CCDC171: variants seen among roughly 807,000 people sequenced by gnomAD.
CCDC171 encodes the protein coiled-coil domain containing 171.
In CCDC171, 177 loss-of-function variants were observed where a neutral mutation model predicts 168.2. The observed-to-expected ratio is 1.05, with a 90% CI of 0.93 to 1.19. The LOEUF (loss-of-function observed/expected upper bound fraction) is 1.19. Among genes scored for constraint, CCDC171 ranks in the 50% most tolerant of loss-of-function variants. CCDC171 has a pLI of 0.00. For synonymous variants in CCDC171, 687 were observed against 540.8 expected (o/e 1.27, Z -3.75); for missense variants, 1,991 against 1,539.0 (o/e 1.29, Z -4.91).
rs62573071 is a variant in CCDC171, at chr9:15,618,284, G to A, written c.676-4983G>A. ...CACTTTGCTTTGCTGTGGTGACTGTGCCCAGTCCAAACCTCCCAGTCTCCT... is the reference window on the plus strand; with the variant it reads ...CACTTTGCTTTGCTGTGGTGACTGTACCCAGTCCAAACCTCCCAGTCTCCT... On this transcript the variant is annotated intron_variant, in intron 6 of 25. Coordinates refer to ENST00000380701, the MANE Select transcript of CCDC171 (RefSeq NM_173550.4). Among the ~76,000 whole-genome samples the A allele has an allele frequency of 2.7e-3, 404 of 152,256 alleles. 2 individuals are homozygous for A. Among genetic ancestry groups the A allele is most frequent in the Middle Eastern group, 0.02 (6 of 294 alleles).
intron 25 of CCDC171, among the ~76,000 whole-genome samples, chr9:15,950,651 A>C (rs1441039091): frequency 5.3e-5 from 8 of 152,104 alleles, no homozygotes; most frequent in Non-Finnish European, 7.4e-5. Flanking sequence ...AACAACCGAT[A>C]CCAGCCGCTG....
At chr9:15,683,344 A>T (rs937418594) in intron 10 of CCDC171, among the ~76,000 whole-genome samples, 1 of 151,934 alleles carries the variant, frequency 6.6e-6, no homozygotes, top group African/African-American at 2.4e-5. Flanking sequence ...GGTGAAGGTA[A>T]TATTTCTTGA....
At chr9:15,877,656 T>A (rs550604848) in intron 24 of CCDC171, among the ~76,000 whole-genome samples, 63 of 152,234 alleles carry the variant, frequency 4.1e-4, no homozygotes, top group Non-Finnish European at 8.1e-4. Context: ...CAAATAGGCT[T>A]TCATTATAAT....
chr9:15,578,954 G>A lies in CCDC171; in HGVS notation c.283G>A (p.Ala95Thr). The A allele has an allele frequency of 2.5e-6, 4 of 1,614,110 alleles. No homozygotes were observed. The highest frequency in any genetic ancestry group is 3.4e-6 in the Non-Finnish European group (4 of 1,179,970). Reference protein sequence around the residue: ...EYDLAVARKEAGLGRRAAEER... With the variant: ...EYDLAVARKETGLGRRAAEER... ...TGACCTAGCTGTTGCTAGAAAGGAA[G>A]CTGGTCTTGGAAGACGGGCTGCTGA... The change falls in exon 4 of 26, where the codon GCT becomes ACT. Residue 95 changes from alanine (A) to threonine (T), a missense_variant. Physicochemically the swap from Ala to Thr is moderately conservative, Grantham distance 58. Coordinates refer to ENST00000380701, the MANE Select transcript of CCDC171 (RefSeq NM_173550.4).
At chr9:15,593,933 G>C (rs2042162530) in intron 5 of CCDC171, 108 bp from the exon 6 acceptor site, 1 of 699,148 alleles carries the variant, frequency 1.4e-6, no homozygotes, top group African/African-American at 1.9e-5. Flanking sequence ...ATTATGATGA[G>C]TTTTAACATC....
chr9:15,573,610 G>C (rs1050891967), intron 3 of CCDC171, among the ~76,000 whole-genome samples: 1 of 147,068 alleles, frequency 6.8e-6, no homozygotes, highest in Non-Finnish European at 1.5e-5. Flanking sequence ...AGTGATAATT[G>C]AAGTAATTGC....
the CCDC171 span, among the ~76,000 whole-genome samples, chr9:16,073,721 G>A: frequency 6.6e-6 from 1 of 152,162 alleles, no homozygotes; most frequent in Non-Finnish European, 1.5e-5. Context: ...TTTGAGAGAG[G>A]CCCCATGTCA....
At chr9:15,931,456 CTTTTTTTTTTT>C (rs57124025) in intron 25 of CCDC171, among the ~76,000 whole-genome samples, 22 of 44,998 alleles carry the variant, frequency 4.9e-4, no homozygotes, top group African/African-American at 1.5e-3. Context: ...TTCTTTCTTT[CTTTTTTTTTTT>C]TTTTTTTTTT....
intron 21 of CCDC171, among the ~76,000 whole-genome samples, chr9:15,822,308 G>C (rs2059811057): frequency 6.6e-6 from 1 of 151,782 alleles, no homozygotes; most frequent in African/African-American, 2.4e-5. Flanking sequence ...GAAGGCAATG[G>C]CAAGAAAAGC....
chr9:15,831,940 G>A (rs987678853), intron 21 of CCDC171, among the ~76,000 whole-genome samples: 1 of 152,050 alleles, frequency 6.6e-6, no homozygotes, highest in Non-Finnish European at 1.5e-5. Flanking sequence ...ATAGTTAGAG[G>A]GTGTTTGAGT....
At chr9:15,951,681 A>G (rs1829197699) in intron 25 of CCDC171, among the ~76,000 whole-genome samples, 2 of 152,006 alleles carry the variant, frequency 1.3e-5, no homozygotes, top group Admixed American at 6.6e-5. Context: ...GAGAATGTTG[A>G]TTTAAGTCCT....
intron 21 of CCDC171, among the ~76,000 whole-genome samples, chr9:15,795,146 A>G (rs182275218): frequency 6.6e-6 from 1 of 152,220 alleles, no homozygotes; most frequent in East Asian, 1.9e-4. Context: ...GACCTTCTTT[A>G]TGTGTCATCC....
Position 15,727,933 on chromosome 9 carries a change from A to C in CCDC171, c.1757A>C (p.Gln586Pro). The C allele has an allele frequency of 6.2e-7, 1 of 1,613,542 alleles. No individual in the cohort carries two copies. The highest frequency in any genetic ancestry group is 2.2e-5 in the East Asian group (1 of 44,864). Residue 586 changes from glutamine (Q) to proline (P), a missense_variant, in exon 15 of 26, where the codon CAA becomes CCA. By Grantham distance (76) the Gln-to-Pro change is moderately conservative. Transcript: ENST00000380701. ...HLVAGCVLIK[Q>P]PEGMLDKFSW... ...GTAGCAGGCTGTGTGCTCATAAAAC[A>C]ACCAGAAGGCATGCTGGATAAATTC...
the CCDC171 span, among the ~76,000 whole-genome samples, chr9:16,096,204 G>C: frequency 6.6e-6 from 1 of 152,070 alleles, no homozygotes; most frequent in Non-Finnish European, 1.5e-5. Context: ...CCTCTGTATG[G>C]CAAGAAGATC....
the CCDC171 span, among the ~76,000 whole-genome samples, chr9:16,090,733 GC>G: frequency 6.6e-6 from 1 of 152,126 alleles, no homozygotes; most frequent in African/African-American, 2.4e-5. Context: ...CCTTTATGAA[GC>G]CTAACATGAG....
rs754157197 is a variant in CCDC171, at chr9:15,727,851, CT to C, written c.1693-8del. The C allele has an allele frequency of 4.5e-3, 5,890 of 1,311,330 alleles. No individual in the cohort carries two copies. The highest frequency in any genetic ancestry group is 0.011 in the South Asian group (772 of 68,606). 81.2% of individuals were successfully genotyped at this position (1,311,330 alleles called of 1,614,324 possible). A position where few individuals can be genotyped will look rare whatever the true frequency, so the allele number is the denominator to read the frequency against. ...TGTTTATATACAGCAATTAATTTTTCTTTTTTTTTTCCTGCAGGAGAAGCTA... is the reference window on the plus strand; with the variant it reads ...TGTTTATATACAGCAATTAATTTTTCTTTTTTTTTCCTGCAGGAGAAGCTA... On this transcript the variant is annotated splice_polypyrimidine_tract_variant and intron_variant, in intron 14 of 25. Coordinates refer to ENST00000380701, the MANE Select transcript of CCDC171 (RefSeq NM_173550.4).
intron 11 of CCDC171, among the ~76,000 whole-genome samples, chr9:15,699,133 G>A (rs10733296): frequency 0.95 from 143,956 of 152,126 alleles, 68,154 homozygotes; most frequent in East Asian, 1. Context: ...GTTCCTTCTG[G>A]TGTTCAGATG....
At chr9:15,649,015 A>C (rs552024758) in intron 7 of CCDC171, among the ~76,000 whole-genome samples, 2 of 152,330 alleles carry the variant, frequency 1.3e-5, no homozygotes, top group African/African-American at 2.4e-5. Flanking sequence ...AGGCTACAGT[A>C]ACCAAAACAG....
In CCDC171 at chr9:15,691,520, TA is replaced by T. The variant is rs2050775289; in HGVS notation, c.1216-3710del. ...ATAGAATATTTAAATATTTAATGATTAAAAATACCTGTAAATATATGTTTTT... is the reference window on the plus strand; with the variant it reads ...ATAGAATATTTAAATATTTAATGATTAAAATACCTGTAAATATATGTTTTT... On this transcript the variant is annotated intron_variant, in intron 10 of 25. Coordinates refer to ENST00000380701, the MANE Select transcript of CCDC171 (RefSeq NM_173550.4). Among the ~76,000 whole-genome samples the T allele has an allele frequency of 3.0e-5, 4 of 131,192 alleles. No homozygotes were observed. In the Admixed American group the frequency reaches 3.2e-4, roughly 10 times the overall value. The allele number at this position is 131,192 out of a possible 152,430, so 86.1% of individuals were successfully genotyped here. A position where few individuals can be genotyped will look rare whatever the true frequency, so the allele number is the denominator to read the frequency against.
Sources: gnomAD v4.1 joint callset for allele counts (sites outside exome capture counted in the v4.1 genomes callset) on GRCh38, gnomAD v4.1.1 for gene constraint, MANE v1.5 for transcripts, NCBI Gene and HGNC (gene_info 2026-07-23, HGNC 2026-07-21) for gene names.